The following RELN variants were observed in gnomAD, a reference collection of about 807,000 sequenced individuals.
RELN encodes the protein reelin.
RELN carries 108 observed loss-of-function variants against 427.6 expected under a neutral mutation model. The ratio of observed to expected loss-of-function variants is 0.25; its 90% CI spans 0.22 to 0.30. The LOEUF is 0.30. RELN is among the 10% of genes least tolerant of loss of function. RELN has a pLI of 1.00. For synonymous variants in RELN, 1,524 were observed against 1,513.4 expected (o/e 1.01, Z -0.16); for missense variants, 3,715 against 4,302.8 (o/e 0.86, Z 3.82).
intron 14 of RELN, among the ~76,000 whole-genome samples, chr7:103,652,251 CTT>C (rs554972597): frequency 1.4e-5 from 2 of 139,948 alleles, no homozygotes; most frequent in African/African-American, 2.6e-5. Flanking sequence ...TTTTCAGTTG[CTT>C]TTTTTTTTTT....
intron 10 of RELN, among the ~76,000 whole-genome samples, chr7:103,696,610 T>C (rs1290365756): frequency 6.6e-6 from 1 of 152,156 alleles, no homozygotes; most frequent in African/African-American, 2.4e-5. Flanking sequence ...GTCCCCAACC[T>C]TTTCTGTTCC....
Position 103,503,014 on chromosome 7 carries a change from A to G in RELN, c.8489+2T>C. ...CAGGCTTTGTTTTAGTTTTCTACTT[A>G]CTTTCCCACTAAGCTTTCAGGAAGT... On this transcript the variant is annotated splice_donor_variant, in intron 52 of 64. Coordinates refer to ENST00000428762, the MANE Select transcript of RELN (RefSeq NM_005045.4). LOFTEE classifies it high-confidence loss of function. The G allele has an allele frequency of 6.2e-7, 1 of 1,612,964 alleles. No individual in the cohort carries two copies. Among genetic ancestry groups the G allele is most frequent in the Non-Finnish European group, 8.5e-7 (1 of 1,178,964 alleles).
intron 61 of RELN, among the ~76,000 whole-genome samples, chr7:103,485,253 A>G (rs11765497): frequency 3.0e-5 from 4 of 131,562 alleles, no homozygotes; most frequent in Non-Finnish European, 6.7e-5. Context: ...AAAAAAAAAA[A>G]GGAAGATGAT....
Position 103,630,092 on chromosome 7 carries a change from T to C in RELN, c.2550A>G (p.Arg850=). The C allele has an allele frequency of 6.2e-7, 1 of 1,613,324 alleles. No homozygotes were observed. Among genetic ancestry groups the C allele is most frequent in the African/African-American group, 1.3e-5 (1 of 75,020 alleles). The part of the protein sequence containing the change: ...RWWQPYHSSQ[R]EDVWAIDEII... ...TCTCATCAATAGCCCATACATCTTC[T>C]CTCTGGGAAGAATGATACGGTTGCC... Residue 850 remains arginine, a synonymous_variant, in exon 20 of 65, where the codon AGA becomes AGG. Transcript: ENST00000428762.
chr7:103,610,703 C>T lies in RELN; in HGVS notation c.3000G>A (p.Gln1000=). 4 of 1,549,842 alleles carry T rather than the reference C, an allele frequency of 2.6e-6. No homozygotes were observed. The highest frequency in any genetic ancestry group is 3.6e-6 in the Non-Finnish European group (4 of 1,122,012). The change falls in exon 22 of 65, where the codon CAG becomes CAA. Residue 1000 remains glutamine, a synonymous_variant. Coordinates refer to ENST00000428762, the MANE Select transcript of RELN (RefSeq NM_005045.4). ...TAAAGATGTCATCTCACCAAGTTTT[C>T]TGGGGAAGAAGCACTATGACTCTCC... ...QWRRVIVLLP[Q]KTWSSATRFR...
chr7:103,746,965 G>C (rs571293880), intron 6 of RELN, among the ~76,000 whole-genome samples: 2 of 152,106 alleles, frequency 1.3e-5, no homozygotes, highest in Non-Finnish European at 2.9e-5. Context: ...ACATGCACAC[G>C]TATGTTTATA....
intron 4 of RELN, among the ~76,000 whole-genome samples, chr7:103,758,804 A>G (rs559451365): frequency 6.6e-6 from 1 of 151,314 alleles, no homozygotes; most frequent in Admixed American, 6.6e-5. Context: ...AGTGCCACTT[A>G]AAAGTTATTT....
At chr7:103,682,365 C>T (rs1833673249) in intron 10 of RELN, 104 bp from the exon 11 acceptor site, 1 of 1,188,258 alleles carries the variant, frequency 8.4e-7, no homozygotes, top group Non-Finnish European at 1.2e-6. Flanking sequence ...ATTATATTAG[C>T]TCCTCTATGA....
chr7:103,768,387 T>C (rs1036270883), intron 4 of RELN, among the ~76,000 whole-genome samples: 6 of 152,138 alleles, frequency 3.9e-5, no homozygotes, highest in African/African-American at 1.4e-4. Flanking sequence ...CTGAATCTGG[T>C]CTATGTTCCA....
chr7:103,891,437 AC>A (rs1327081325), intron 2 of RELN, among the ~76,000 whole-genome samples: 2 of 152,062 alleles, frequency 1.3e-5, no homozygotes, highest in Non-Finnish European at 2.9e-5. Context: ...GTGCACAATG[AC>A]TCTACATCAG....
At chr7:103,940,850 T>C (rs778726302) in intron 1 of RELN, among the ~76,000 whole-genome samples, 6 of 152,110 alleles carry the variant, frequency 3.9e-5, no homozygotes, top group Non-Finnish European at 8.8e-5. Context: ...AATAATCTTA[T>C]GAGATATCAG....
intron 6 of RELN, among the ~76,000 whole-genome samples, chr7:103,734,145 T>C (rs1473047288): frequency 1.3e-5 from 2 of 152,178 alleles, no homozygotes; most frequent in African/African-American, 2.4e-5. Context: ...ACCTCACAAT[T>C]AAATGTTTTC....
intron 5 of RELN, among the ~76,000 whole-genome samples, chr7:103,752,812 C>T (rs971766528): frequency 2.0e-4 from 30 of 152,108 alleles, no homozygotes; most frequent in African/African-American, 6.8e-4. Flanking sequence ...GACTTCAGTT[C>T]TTCCACATTC....
At chr7:103,898,311 C>T (rs1330751328) in intron 2 of RELN, among the ~76,000 whole-genome samples, 1 of 151,998 alleles carries the variant, frequency 6.6e-6, no homozygotes, top group East Asian at 1.9e-4. Flanking sequence ...TGAGAGTATA[C>T]TAGTCCTTGC....
At chr7:103,635,843 C>T (rs1832567914) in intron 18 of RELN, among the ~76,000 whole-genome samples, 1 of 152,130 alleles carries the variant, frequency 6.6e-6, no homozygotes, top group African/African-American at 2.4e-5. Context: ...TGTGTACATA[C>T]ACTTAAAATG....
intron 17 of RELN, among the ~76,000 whole-genome samples, chr7:103,639,272 C>T (rs557779949): frequency 3.3e-5 from 5 of 152,208 alleles, no homozygotes; most frequent in African/African-American, 1.2e-4. Context: ...AAAAAATTTC[C>T]ATTGGGAAAA....
intron 3 of RELN, among the ~76,000 whole-genome samples, chr7:103,831,694 G>C (rs970923230): frequency 1.3e-5 from 2 of 152,132 alleles, no homozygotes; most frequent in African/African-American, 4.8e-5. Flanking sequence ...TTGTGGGAAG[G>C]CCTGCCAGTT....
chr7:103,617,800 A>G (rs1389809864), intron 20 of RELN, among the ~76,000 whole-genome samples: 2 of 152,104 alleles, frequency 1.3e-5, no homozygotes, highest in African/African-American at 4.8e-5. Context: ...TGTTTGGGCC[A>G]TAGCGGTGGA....
intron 41 of RELN, among the ~76,000 whole-genome samples, chr7:103,549,962 TG>T (rs1174878889): frequency 3.3e-5 from 5 of 152,246 alleles, no homozygotes; most frequent in Admixed American, 6.5e-5. Flanking sequence ...TCTATTCCTA[TG>T]ATCTCCAGAG....
Sources: allele counts gnomAD v4.1 joint callset (sites outside exome capture counted in the v4.1 genomes callset), GRCh38; gene constraint gnomAD v4.1.1; transcripts MANE v1.5; gene names NCBI Gene and HGNC (gene_info 2026-07-23, HGNC 2026-07-21).